RPTOR: variants seen among roughly 807,000 people sequenced by gnomAD.
RPTOR encodes regulatory-associated protein of mTOR.
Under a neutral mutation model 169.9 loss-of-function variants are expected in RPTOR, and 21 were observed. The observed-to-expected ratio is 0.12, with a 90% confidence interval of 0.09 to 0.18. The LOEUF (loss-of-function observed/expected upper bound fraction) is 0.18. RPTOR is among the 10% of genes least tolerant of loss of function. The pLI, the probability that RPTOR is intolerant of heterozygous loss-of-function variation, is 1.00. For synonymous variants in RPTOR, 732 were observed against 753.2 expected (o/e 0.97, Z 0.46); for missense variants, 1,133 against 1,855.9 (o/e 0.61, Z 7.16).
intron 13 of RPTOR, among the ~76,000 whole-genome samples, chr17:80,858,988 G>A (rs984653322): frequency 1.1e-4 from 16 of 152,222 alleles, no homozygotes; most frequent in Non-Finnish European, 1.6e-4. Flanking sequence ...AACACGGGGT[G>A]GAGAGCATTT....
intron 4 of RPTOR, among the ~76,000 whole-genome samples, chr17:80,724,055 A>T (rs994129425): frequency 6.6e-6 from 1 of 151,382 alleles, no homozygotes; most frequent in Non-Finnish European, 1.5e-5. Flanking sequence ...TGCTGAAGAA[A>T]GTATAAATCA....
chr17:80,855,624 G>A lies in RPTOR; in HGVS notation c.1398+77G>A, dbSNP rs79181491. The A allele has an allele frequency of 3.5e-3, 4,119 of 1,163,500 alleles. 108 individuals carry two copies. The African/African-American group carries it at 0.054, about 15-fold the overall frequency. 72.1% of individuals were successfully genotyped at this position (1,163,500 alleles called of 1,614,324 possible). ...AGGCTCCGTGTTTCAGTCTGTGCAC[G>A]TATTTCATGATCCAGAGCCACCCCC... On this transcript the variant is annotated intron_variant, in intron 12 of 33. Transcript: ENST00000306801.
At chr17:80,753,274 A>C (rs2066646870) in intron 5 of RPTOR, among the ~76,000 whole-genome samples, 1 of 152,212 alleles carries the variant, frequency 6.6e-6, no homozygotes, top group African/African-American at 2.4e-5. Flanking sequence ...GATGGAGTTC[A>C]CATCATATAA....
At chr17:80,879,334 C>G (rs945826353) in intron 13 of RPTOR, among the ~76,000 whole-genome samples, 1 of 150,956 alleles carries the variant, frequency 6.6e-6, no homozygotes, top group African/African-American at 2.4e-5. Flanking sequence ...TGCAGCCCCT[C>G]CTGCCCAACG....
At chr17:80,956,439 C>G (rs1305928841) in intron 28 of RPTOR, among the ~76,000 whole-genome samples, 1 of 152,274 alleles carries the variant, frequency 6.6e-6, no homozygotes, top group Non-Finnish European at 1.5e-5. Context: ...GCCCCATTCT[C>G]TCCGTCCATC....
Position 80,823,131 on chromosome 17 carries a change from A to G in RPTOR, c.1044A>G (p.Arg348=). The G allele has an allele frequency of 4.3e-6, 7 of 1,614,110 alleles. No individual in the cohort carries two copies. The highest frequency in any genetic ancestry group is 5.9e-6 in the Non-Finnish European group (7 of 1,180,014). The change falls in exon 9 of 34, where the codon CGA becomes CGG. Residue 348 remains arginine, a synonymous_variant. Transcript: ENST00000306801. The surrounding 1 kb of genome is among the most constrained non-coding windows in gnomAD (Gnocchi z 4.5). ...RQDLLVASLF[R]NFLLAERIMR... ...ACTTGCTGGTGGCTAGTCTGTTTCG[A>G]AATTTTTTATTGGCGGAAAGGATTA...
rs145957482 is a variant in RPTOR at position 80,760,058 on chromosome 17, T to G, written c.830+5873T>G. On this transcript the variant is annotated intron_variant, in intron 6 of 33. Transcript: ENST00000306801. ...ATTTTATATTTCACTATGTTGAAGT[T>G]CCATGTTTTATTTAGCCGGAGCGTA... Among the ~76,000 whole-genome samples, 43 of 152,298 alleles carry G rather than the reference T, an allele frequency of 2.8e-4. No homozygotes were observed. The East Asian group carries it at 7.7e-3, about 27-fold the overall frequency.
chr17:80,638,411 C>CTTTTTTT (rs11399351), intron 2 of RPTOR, among the ~76,000 whole-genome samples: 7 of 126,274 alleles, frequency 5.5e-5, no homozygotes, highest in East Asian at 2.3e-4. Flanking sequence ...TTCTTCCTTT[C>CTTTTTTT]TTTTTTTTTT....
intron 17 of RPTOR, among the ~76,000 whole-genome samples, chr17:80,889,704 G>A (rs2143860033): frequency 6.6e-6 from 1 of 152,344 alleles, no homozygotes; most frequent in South Asian, 2.1e-4. Context: ...CTCCATTCAG[G>A]AAGGGCAGGA....
At chr17:80,690,307 AAAGAT>A (rs2065979907) in intron 3 of RPTOR, among the ~76,000 whole-genome samples, 1 of 147,282 alleles carries the variant, frequency 6.8e-6, no homozygotes, top group Non-Finnish European at 1.5e-5. Flanking sequence ...TACTTTCTCT[AAAGAT>A]AAGTATGCTT....
At chr17:80,639,443 A>T (rs2065534823) in intron 2 of RPTOR, among the ~76,000 whole-genome samples, 1 of 152,102 alleles carries the variant, frequency 6.6e-6, no homozygotes, top group African/African-American at 2.4e-5. Context: ...TAAACTGATC[A>T]TACCCATGGA....
intron 1 of RPTOR, among the ~76,000 whole-genome samples, chr17:80,586,973 A>C (rs1214767545): frequency 6.6e-6 from 1 of 152,246 alleles, no homozygotes; most frequent in Non-Finnish European, 1.5e-5. Context: ...CCGGATGAAC[A>C]CACGAGCCGG....
intron 3 of RPTOR, among the ~76,000 whole-genome samples, chr17:80,685,644 T>TTTTTTTTTTTTTTTTA (rs2065940513): frequency 2.8e-5 from 2 of 72,304 alleles, no homozygotes; most frequent in Non-Finnish European, 5.6e-5. Flanking sequence ...TTTTTTTTTT[T>TTTTTTTTTTTTTTTTA]TTTTTTTTTT....
At chr17:80,789,813 T>C (rs1405242499) in intron 6 of RPTOR, among the ~76,000 whole-genome samples, 1 of 152,224 alleles carries the variant, frequency 6.6e-6, no homozygotes, top group Non-Finnish European at 1.5e-5. Flanking sequence ...TGCCTGCATT[T>C]GTTTGTTGTT....
At chr17:80,575,762 T>C (rs1308592698) in intron 1 of RPTOR, among the ~76,000 whole-genome samples, 1 of 152,278 alleles carries the variant, frequency 6.6e-6, no homozygotes, top group Non-Finnish European at 1.5e-5. Context: ...ATTTACACTT[T>C]ACTGATTTTT....
chr17:80,887,816 T>G (rs1350907113), intron 17 of RPTOR, among the ~76,000 whole-genome samples: 2 of 152,248 alleles, frequency 1.3e-5, no homozygotes, highest in Non-Finnish European at 2.9e-5. Context: ...TTGACTTGTT[T>G]AATGAGCTTA....
rs919580551 is a variant in RPTOR, at chr17:80,893,584, G to A, written c.2243-123G>A. On this transcript the variant is annotated intron_variant, in intron 19 of 33. Transcript: ENST00000306801. ...CCAGGGTGTGTGTGTACCAGGGTGTGTTTGTGCCTGGGTGTGCTGAGCTTT... is the reference window on the plus strand; with the variant it reads ...CCAGGGTGTGTGTGTACCAGGGTGTATTTGTGCCTGGGTGTGCTGAGCTTT... 7 of 1,297,032 alleles carry A rather than the reference G, an allele frequency of 5.4e-6. No homozygotes were observed. In the African/African-American group the frequency reaches 9.0e-5, roughly 17 times the overall value. 80.3% of individuals were successfully genotyped at this position (1,297,032 alleles called of 1,614,324 possible).
chr17:80,846,800 G>A (rs2067736383), intron 11 of RPTOR, among the ~76,000 whole-genome samples: 1 of 152,210 alleles, frequency 6.6e-6, no homozygotes, highest in African/African-American at 2.4e-5. Context: ...ATTCCTAAAG[G>A]GTTTCCTCTA....
At chr17:80,720,614 T>G (rs1388316430) in intron 4 of RPTOR, among the ~76,000 whole-genome samples, 1 of 152,232 alleles carries the variant, frequency 6.6e-6, no homozygotes, top group Non-Finnish European at 1.5e-5. Context: ...ACAAATGATT[T>G]CCTTGATGCC....
Sources: gnomAD v4.1 joint callset for allele counts (sites outside exome capture counted in the v4.1 genomes callset) on GRCh38, gnomAD v4.1.1 for gene constraint, Gnocchi (gnomAD v3.1) non-coding constraint, MANE v1.5 for transcripts, NCBI Gene and HGNC (gene_info 2026-07-23, HGNC 2026-07-21) for gene names.